Variants in CNKSR2 observed in about 807,000 individuals in gnomAD.
CNKSR2 encodes the protein CNK homolog protein 2.
A neutral mutation model predicts 84.4 loss-of-function variants in CNKSR2; 14 were observed. The ratio of observed to expected loss-of-function variants is 0.17; its 90% CI spans 0.11 to 0.26. The LOEUF is 0.26. Among genes scored for constraint, CNKSR2 ranks in the 10% least tolerant of loss-of-function variants. The pLI is 1.00. For synonymous variants in CNKSR2, 275 were observed against 277.9 expected (o/e 0.99, Z 0.10); for missense variants, 485 against 771.2 (o/e 0.63, Z 4.40).
intron 1 of CNKSR2, 31 bp from the exon 2 acceptor site, chrX:21,426,466 C>T: frequency 8.4e-7 from 1 of 1,188,307 alleles, no homozygotes; most frequent in South Asian, 1.8e-5. Flanking sequence ...ACCATGTTTT[C>T]ATTCTGGTCT....
chrX:21,569,071 C>T (rs987391745), intron 13 of CNKSR2, among the ~76,000 whole-genome samples: 3 of 111,540 alleles, frequency 2.7e-5, no homozygotes, highest in African/African-American at 9.8e-5. Context: ...TTTTAGGTTC[C>T]CTGTGCATAT....
chrX:21,550,954 T>C (rs1221852571), intron 11 of CNKSR2, among the ~76,000 whole-genome samples: 1 of 107,831 alleles, frequency 9.3e-6, no homozygotes, highest in African/African-American at 3.4e-5. Context: ...GAGAATCACT[T>C]CAACCTGGGA....
chrX:21,451,003 C>CT (rs1331944469), intron 4 of CNKSR2, among the ~76,000 whole-genome samples: 5 of 112,093 alleles, frequency 4.5e-5, no homozygotes, highest in African/African-American at 1.6e-4. Context: ...TGTGAAGAAA[C>CT]TAAGTGTACT....
intron 5 of CNKSR2, among the ~76,000 whole-genome samples, chrX:21,485,038 C>T (rs971709395): frequency 3.6e-5 from 4 of 110,820 alleles, no homozygotes; most frequent in Non-Finnish European, 3.8e-5. Flanking sequence ...AAAAAATTAG[C>T]GGGGTGTAGT....
chrX:21,531,752 G>A (rs1402920066), intron 10 of CNKSR2, 104 bp from the exon 11 acceptor site: 2 of 486,454 alleles, frequency 4.1e-6, no homozygotes, highest in Non-Finnish European at 7.0e-6. Flanking sequence ...GAAAAGGTCA[G>A]GAGATATATT....
chrX:21,480,816 A>G (rs963897292), intron 5 of CNKSR2, among the ~76,000 whole-genome samples: 10 of 112,218 alleles, frequency 8.9e-5, no homozygotes, highest in Admixed American at 2.8e-4. Context: ...TATCATTCTT[A>G]GATGATTATT....
intron 4 of CNKSR2, among the ~76,000 whole-genome samples, chrX:21,448,375 T>C (rs1408010328): frequency 8.9e-6 from 1 of 111,780 alleles, no homozygotes; most frequent in Non-Finnish European, 1.9e-5. Context: ...ATTGCACACT[T>C]GTAATAAGAA....
chrX:21,532,035 G>C lies in CNKSR2; in HGVS notation c.1271G>C (p.Ser424Thr). Reference sequence around the variant, plus strand: ...GAATATGAAAAAGGAAGATCAAGTAGTCAAGGAAGACGAGAAAGCACCCCA... The same window carrying C: ...GAATATGAAAAAGGAAGATCAAGTACTCAAGGAAGACGAGAAAGCACCCCA... ...CYEYEKGRSS[S>T]QGRRESTPTY... Residue 424 changes from serine to threonine, a missense_variant, in exon 11 of 22, where the codon AGT (serine) becomes ACT (threonine). Transcript: ENST00000379510. 8.3e-7 allele frequency: 1 copy of C among 1,201,777 alleles called. No individual in the cohort carries two copies. The highest frequency in any genetic ancestry group is 1.1e-6 in the Non-Finnish European group (1 of 888,187).
intron 8 of CNKSR2, among the ~76,000 whole-genome samples, chrX:21,513,872 A>C (rs2091700300): frequency 8.9e-6 from 1 of 111,775 alleles, no homozygotes; most frequent in African/African-American, 3.2e-5. Context: ...CATAAAATTT[A>C]TTATTTTCTA....
chrX:21,453,678 A>G (rs948818695), intron 4 of CNKSR2, among the ~76,000 whole-genome samples: 3 of 111,818 alleles, frequency 2.7e-5, no homozygotes, highest in Non-Finnish European at 5.6e-5. Flanking sequence ...GCATAGGTTT[A>G]AAGAGCTACC....
In CNKSR2 at chrX:21,542,671, A is replaced by C. The variant is rs1390315998; in HGVS notation, c.1303+10604A>C. 2.7e-5 allele frequency among the ~76,000 whole-genome samples: 3 copies of C among 111,833 alleles called. No individual in the cohort carries two copies. The East Asian group carries it at 8.4e-4, about 31-fold the overall frequency. On this transcript the variant is annotated intron_variant, in intron 11 of 21. Transcript: ENST00000379510. ...TCCTTGCCCTTGCTATTTCATCATAACACATTTCTATGCATAGAAACATGC... is the reference window on the plus strand; with the variant it reads ...TCCTTGCCCTTGCTATTTCATCATACCACATTTCTATGCATAGAAACATGC...
chrX:21,379,224 G>A (rs1433005435), intron 1 of CNKSR2, among the ~76,000 whole-genome samples: 1 of 112,617 alleles, frequency 8.9e-6, no homozygotes, highest in African/African-American at 3.2e-5. Context: ...CTTTTTTCCC[G>A]TCATAGGACC....
chrX:21,379,630 T>C (rs1367802419), intron 1 of CNKSR2, among the ~76,000 whole-genome samples: 2 of 112,167 alleles, frequency 1.8e-5, no homozygotes, highest in Admixed American at 9.5e-5. Flanking sequence ...TATGTAGATA[T>C]ATTTGCTCCA....
intron 7 of CNKSR2, 36 bp downstream of exon 7, chrX:21,497,882 T>G: frequency 3.1e-6 from 2 of 648,529 alleles, no homozygotes; most frequent in Non-Finnish European, 2.6e-6. Flanking sequence ...TTAAGTGTGT[T>G]TTTCCCTTTT....
chrX:21,409,627 T>C (rs1363642852), intron 1 of CNKSR2, among the ~76,000 whole-genome samples: 1 of 110,662 alleles, frequency 9.0e-6, no homozygotes, highest in Non-Finnish European at 1.9e-5. Flanking sequence ...TTGAGAAATA[T>C]TTGATAAGGA....
At chrX:21,537,122 T>G (rs995325555) in intron 11 of CNKSR2, among the ~76,000 whole-genome samples, 2 of 111,344 alleles carry the variant, frequency 1.8e-5, no homozygotes, top group Admixed American at 9.6e-5. Context: ...ATTTCTTCAT[T>G]GACCCATTCG....
intron 4 of CNKSR2, among the ~76,000 whole-genome samples, chrX:21,443,632 A>G (rs1194316372): frequency 1.8e-5 from 2 of 111,645 alleles, no homozygotes; most frequent in Non-Finnish European, 3.8e-5. Flanking sequence ...AACTGTAAGG[A>G]AGAATATTTA....
At chrX:21,618,909 A>AT (rs749226917) in intron 20 of CNKSR2, among the ~76,000 whole-genome samples, 4 of 111,991 alleles carry the variant, frequency 3.6e-5, no homozygotes, top group African/African-American at 1.3e-4. Context: ...AATAAATGAG[A>AT]TTTTTTCTTT....
At chrX:21,447,197 T>C (rs1175055694) in intron 4 of CNKSR2, among the ~76,000 whole-genome samples, 1 of 111,603 alleles carries the variant, frequency 9.0e-6, no homozygotes, top group South Asian at 3.7e-4. Context: ...CTGCATATAA[T>C]ATTGAATTCT....
Sources: allele counts gnomAD v4.1 joint callset (sites outside exome capture counted in the v4.1 genomes callset), GRCh38; gene constraint gnomAD v4.1.1; transcripts MANE v1.5; gene names NCBI Gene and HGNC (gene_info 2026-07-23, HGNC 2026-07-21).